The following SNAP25 variants were observed in gnomAD, a reference collection of about 807,000 sequenced individuals.
SNAP25 encodes synaptosomal-associated protein 25.
SNAP25 carries 3 observed loss-of-function variants against 28.7 expected under a neutral mutation model. That is an observed-to-expected ratio of 0.10 (90% CI 0.05 to 0.27). The LOEUF is 0.27. Ranked by LOEUF, SNAP25 falls within the 10% of genes least tolerant of loss-of-function variation. SNAP25 has a pLI of 1.00. For synonymous variants in SNAP25, 61 were observed against 88.1 expected (o/e 0.69, Z 1.72); for missense variants, 117 against 278.7 (o/e 0.42, Z 4.13).
At chr20:10,239,554 G>A (rs563524800) in intron 1 of SNAP25, among the ~76,000 whole-genome samples, 1 of 152,308 alleles carries the variant, frequency 6.6e-6, no homozygotes, top group East Asian at 1.9e-4. Flanking sequence ...ATTTCAAAAA[G>A]TCATTACAAA....
At position 10,293,151 on chromosome 20, in the gene SNAP25, G is replaced by T. The variant is rs370270068; in HGVS notation, c.164-10G>T. On this transcript the variant is annotated splice_polypyrimidine_tract_variant and intron_variant, in intron 4 of 7. Coordinates refer to ENST00000254976, the MANE Select transcript of SNAP25 (RefSeq NM_130811.4). This position sits in a 1 kb window ranked among gnomAD's most constrained non-coding sequence, Gnocchi z 5.6. ...CATTCTGTGGGGATAAAATACTTGT[G>T]TTTAATCAGAACAACTGGAACGCAT... 6.2e-7 allele frequency: 1 copy of T among 1,607,790 alleles called. No individual in the cohort carries two copies. The highest frequency in any genetic ancestry group is 8.5e-7 in the Non-Finnish European group (1 of 1,175,452).
chr20:10,262,594 A>C (rs971489940), intron 1 of SNAP25, among the ~76,000 whole-genome samples: 1 of 152,188 alleles, frequency 6.6e-6, no homozygotes, highest in African/African-American at 2.4e-5. Flanking sequence ...ATAAAAAAAA[A>C]ATAGCTCATA....
At chr20:10,261,176 TC>T (rs773765242) in intron 1 of SNAP25, among the ~76,000 whole-genome samples, 1 of 152,164 alleles carries the variant, frequency 6.6e-6, no homozygotes, top group Non-Finnish European at 1.5e-5. Context: ...ATACCCTCAA[TC>T]ATTTTTAGTA....
At chr20:10,292,893 C>T (rs146976467) in intron 4 of SNAP25, 4 of 1,604,218 alleles carry the variant, frequency 2.5e-6, no homozygotes, top group Non-Finnish European at 3.4e-6. Context: ...ACAACTCGAT[C>T]GTGTCGAAGA....
At chr20:10,284,658 G>T in intron 3 of SNAP25, 66 bp from the exon 4 acceptor site, 2 of 1,276,730 alleles carry the variant, frequency 1.6e-6, no homozygotes, top group African/African-American at 2.9e-5. Flanking sequence ...TCCCCTTACT[G>T]ATTTCTCTTT....
intron 1 of SNAP25, among the ~76,000 whole-genome samples, chr20:10,252,587 T>G (rs2063250247): frequency 6.6e-6 from 1 of 152,212 alleles, no homozygotes; most frequent in African/African-American, 2.4e-5. Flanking sequence ...TGTTAAAATT[T>G]AACAGATTTT....
chr20:10,227,506 T>C (rs2062754492), intron 1 of SNAP25, among the ~76,000 whole-genome samples: 1 of 152,168 alleles, frequency 6.6e-6, no homozygotes, highest in Non-Finnish European at 1.5e-5. Flanking sequence ...TTGTGTACCC[T>C]TGCACATAGA....
At chr20:10,220,095 C>T (rs989187977) in intron 1 of SNAP25, among the ~76,000 whole-genome samples, 1 of 152,118 alleles carries the variant, frequency 6.6e-6, no homozygotes. Flanking sequence ...AGCATAAGTA[C>T]TGTATATATG....
chr20:10,275,078 T>TAAAC (rs2063666488), intron 1 of SNAP25, among the ~76,000 whole-genome samples: 1 of 114,302 alleles, frequency 8.7e-6, no homozygotes, highest in Non-Finnish European at 2.0e-5. Flanking sequence ...TTTAAATAAA[T>TAAAC]AAATAAATAA....
chr20:10,249,370 G>C (rs2063185159), intron 1 of SNAP25, among the ~76,000 whole-genome samples: 1 of 152,028 alleles, frequency 6.6e-6, no homozygotes, highest in African/African-American at 2.4e-5. Context: ...CTGAAGGAAT[G>C]ACAATCTCAT....
Position 10,287,011 on chromosome 20 carries a change from C to T in SNAP25, c.163+2239C>T, listed in dbSNP as rs567486418. ...AAAAAAATAACTAAACAACAGGTGC[C>T]CAATAGAAGAGTGGTACCTGATTTC... On this transcript the variant is annotated intron_variant, in intron 4 of 7. Coordinates refer to ENST00000254976, the MANE Select transcript of SNAP25 (RefSeq NM_130811.4). Among the ~76,000 whole-genome samples the T allele has an allele frequency of 2.3e-4, 35 of 152,136 alleles. 2 individuals are homozygous for T. Among genetic ancestry groups the T allele is most frequent in the Admixed American group, 2.1e-3 (32 of 15,266 alleles).
At chr20:10,305,620 A>G (rs1394697729) in intron 7 of SNAP25, among the ~76,000 whole-genome samples, 1 of 152,180 alleles carries the variant, frequency 6.6e-6, no homozygotes, top group Non-Finnish European at 1.5e-5. Flanking sequence ...TCCACTGTAC[A>G]TGCTCATGCT....
intron 1 of SNAP25, among the ~76,000 whole-genome samples, chr20:10,261,343 CT>C (rs1197630026): frequency 6.6e-6 from 1 of 152,174 alleles, no homozygotes; most frequent in African/African-American, 2.4e-5. Flanking sequence ...AAATGTTCCA[CT>C]TCTATTCCCT....
intron 1 of SNAP25, among the ~76,000 whole-genome samples, chr20:10,232,065 T>A (rs992215165): frequency 4.6e-5 from 7 of 152,170 alleles, no homozygotes; most frequent in Non-Finnish European, 2.9e-5. Flanking sequence ...CAGGAACAAC[T>A]CAATCCCAGT....
chr20:10,249,638 C>T (rs1393190226), intron 1 of SNAP25, among the ~76,000 whole-genome samples: 1 of 152,074 alleles, frequency 6.6e-6, no homozygotes, highest in Non-Finnish European at 1.5e-5. Flanking sequence ...CCTTCCTGCT[C>T]AGTGTGGGCC....
intron 1 of SNAP25, among the ~76,000 whole-genome samples, chr20:10,241,643 G>A (rs1479110546): frequency 6.6e-6 from 1 of 152,106 alleles, no homozygotes; most frequent in East Asian, 1.9e-4. Flanking sequence ...TTATGCTGAG[G>A]CCTGATGACA....
At chr20:10,284,287 C>A (rs2063833583) in intron 3 of SNAP25, among the ~76,000 whole-genome samples, 1 of 152,040 alleles carries the variant, frequency 6.6e-6, no homozygotes, top group Admixed American at 6.5e-5. Flanking sequence ...GGCATCCCTC[C>A]CCAATTTCAC....
intron 1 of SNAP25, among the ~76,000 whole-genome samples, chr20:10,223,102 T>C (rs1471758001): frequency 4.6e-5 from 7 of 152,200 alleles, no homozygotes; most frequent in East Asian, 1.9e-4. Context: ...GCATGACATA[T>C]AGGACCAGCC....
intron 1 of SNAP25, among the ~76,000 whole-genome samples, chr20:10,243,028 C>G: frequency 6.6e-6 from 1 of 152,170 alleles, no homozygotes; most frequent in East Asian, 1.9e-4. Context: ...CGCCTAACAG[C>G]TGCTTCTGTG....
Sources: allele counts gnomAD v4.1 joint callset (sites outside exome capture counted in the v4.1 genomes callset), GRCh38; gene constraint gnomAD v4.1.1; non-coding constraint Gnocchi (gnomAD v3.1); transcripts MANE v1.5; gene names NCBI Gene and HGNC (gene_info 2026-07-23, HGNC 2026-07-21).